DLGAP2: variants seen among roughly 807,000 people sequenced by gnomAD.
DLGAP2 encodes DLG associated protein 2.
DLGAP2 carries 26 observed loss-of-function variants against 100.3 expected under a neutral mutation model. The ratio of observed to expected loss-of-function variants is 0.26; its 90% confidence interval spans 0.19 to 0.36. The LOEUF is 0.36. Among genes scored for constraint, DLGAP2 ranks in the 10% least tolerant of loss-of-function variants. The pLI, the probability that DLGAP2 is intolerant of heterozygous loss-of-function variation, is 1.00. For missense variants in DLGAP2, 1,858 were observed against 1,453.2 expected (o/e 1.28, Z -4.53); for synonymous variants, 886 against 630.1 (o/e 1.41, Z -6.08).
At chr8:1,176,253 A>C (rs943089446) in intron 2 of DLGAP2, among the ~76,000 whole-genome samples, 5 of 152,140 alleles carry the variant, frequency 3.3e-5, no homozygotes, top group African/African-American at 9.7e-5. Flanking sequence ...ACCTCGTGAG[A>C]ATTCCCTCAT....
intron 3 of DLGAP2, among the ~76,000 whole-genome samples, chr8:1,260,236 C>T (rs1480495280): frequency 6.6e-6 from 1 of 152,128 alleles, no homozygotes; most frequent in African/African-American, 2.4e-5. Flanking sequence ...CTTATTATAA[C>T]TTCCATTGCC....
intron 2 of DLGAP2, chr8:1,032,595 G>C (rs1802007230): frequency 6.6e-6 from 1 of 152,156 alleles, no homozygotes; most frequent in African/African-American, 2.4e-5. Context: ...GGTCTGCTGT[G>C]TGCCAAAATA....
chr8:1,568,798 C>A (rs866320332), intron 6 of DLGAP2, among the ~76,000 whole-genome samples: 9 of 144,118 alleles, frequency 6.2e-5, no homozygotes, highest in Admixed American at 2.0e-4. Flanking sequence ...TGCCCGTGGC[C>A]CCCATGCCAC....
intron 2 of DLGAP2, among the ~76,000 whole-genome samples, chr8:949,598 A>T (rs1799424219): frequency 6.6e-6 from 1 of 152,146 alleles, no homozygotes; most frequent in South Asian, 2.1e-4. Flanking sequence ...GCTCCCCAGG[A>T]CGGGCCTCCC....
chr8:1,676,884 G>A (rs765994203), intron 11 of DLGAP2, among the ~76,000 whole-genome samples: 1 of 152,234 alleles, frequency 6.6e-6, no homozygotes, highest in Non-Finnish European at 1.5e-5. Context: ...GAAAGTCAGA[G>A]TCCTTGATCC....
At chr8:956,528 C>A (rs1799601238) in intron 2 of DLGAP2, among the ~76,000 whole-genome samples, 1 of 152,144 alleles carries the variant, frequency 6.6e-6, no homozygotes, top group Non-Finnish European at 1.5e-5. Context: ...AGCCCAGACA[C>A]CACTCAGAGT....
chr8:1,049,895 C>G (rs1292186295), intron 2 of DLGAP2, among the ~76,000 whole-genome samples: 1 of 152,226 alleles, frequency 6.6e-6, no homozygotes, highest in African/African-American at 2.4e-5. Context: ...CATATGTGTA[C>G]ACACATGTGC....
intron 2 of DLGAP2, among the ~76,000 whole-genome samples, chr8:1,037,477 C>G (rs1309198192): frequency 6.6e-6 from 1 of 152,178 alleles, no homozygotes; most frequent in Non-Finnish European, 1.5e-5. Flanking sequence ...CTGCTGTGCA[C>G]TGAAGAGGCA....
chr8:1,419,918 G>C (rs1797042869), intron 3 of DLGAP2, among the ~76,000 whole-genome samples: 1 of 152,234 alleles, frequency 6.6e-6, no homozygotes. Flanking sequence ...GAATCGACCT[G>C]AGTGTCCATC....
chr8:907,459 C>G (rs17740061), intron 1 of DLGAP2, among the ~76,000 whole-genome samples: 2 of 152,110 alleles, frequency 1.3e-5, no homozygotes, highest in Admixed American at 6.5e-5. Flanking sequence ...CTTACTTTCA[C>G]ATTTTTCTTT....
At chr8:1,291,547 G>T (rs563139239) in intron 3 of DLGAP2, among the ~76,000 whole-genome samples, 38 of 152,134 alleles carry the variant, frequency 2.5e-4, no homozygotes, top group Non-Finnish European at 4.7e-4. Context: ...TGGTATATTC[G>T]AAGCCCTGCC....
At chr8:750,558 T>A (rs1275842447) in intron 1 of DLGAP2, among the ~76,000 whole-genome samples, 1 of 152,198 alleles carries the variant, frequency 6.6e-6, no homozygotes, top group Non-Finnish European at 1.5e-5. Flanking sequence ...ATGGTCAAAA[T>A]TGCCAATGAA....
intron 2 of DLGAP2, among the ~76,000 whole-genome samples, chr8:1,207,700 C>A (rs192132559): frequency 2.2e-4 from 34 of 152,268 alleles, no homozygotes; most frequent in Admixed American, 8.5e-4. Flanking sequence ...TAGAAGTGTT[C>A]CCTGTTTACC....
rs542674167 is a variant in DLGAP2, at chr8:1,380,673, A to C, written c.107-120693A>C. Among the ~76,000 whole-genome samples, 10 of 152,276 alleles carry C rather than the reference A, an allele frequency of 6.6e-5. No individual in the cohort carries two copies. The South Asian group carries it at 8.3e-4, about 13-fold the overall frequency. On this transcript the variant is annotated intron_variant, in intron 3 of 14. Transcript: ENST00000637795. ...AAAAGTTCGCCGAGGTGTCATGTTCACTGGGGACTCTCTGTAGCACTGAGC... is the reference window on the plus strand; with the variant it reads ...AAAAGTTCGCCGAGGTGTCATGTTCCCTGGGGACTCTCTGTAGCACTGAGC...
intron 2 of DLGAP2, among the ~76,000 whole-genome samples, chr8:1,257,395 C>T (rs958758171): frequency 6.6e-6 from 1 of 152,182 alleles, no homozygotes; most frequent in Non-Finnish European, 1.5e-5. Flanking sequence ...GTTCCGCTCC[C>T]TCCTGAACGC....
intron 3 of DLGAP2, among the ~76,000 whole-genome samples, chr8:1,415,895 G>A (rs901285772): frequency 6.6e-6 from 1 of 152,132 alleles, no homozygotes; most frequent in Non-Finnish European, 1.5e-5. Flanking sequence ...TTCCATAGTG[G>A]CTGAGCTAAT....
chr8:1,374,859 G>T (rs1209675733), intron 3 of DLGAP2, among the ~76,000 whole-genome samples: 1 of 152,168 alleles, frequency 6.6e-6, no homozygotes, highest in Non-Finnish European at 1.5e-5. Flanking sequence ...CTCCGGTGCC[G>T]CACGGCCTGG....
intron 2 of DLGAP2, among the ~76,000 whole-genome samples, chr8:1,005,662 C>G (rs1432549506): frequency 6.6e-6 from 1 of 150,990 alleles, no homozygotes; most frequent in Non-Finnish European, 1.5e-5. Flanking sequence ...TCAAGTGATT[C>G]TCCTGCCTTG....
chr8:1,555,597 C>T (rs1453524410), intron 5 of DLGAP2, among the ~76,000 whole-genome samples: 2 of 152,184 alleles, frequency 1.3e-5, no homozygotes, highest in African/African-American at 4.8e-5. Context: ...TGCAGGAGTG[C>T]AGGAGCTGGG....
Sources: allele counts gnomAD v4.1 joint callset (sites outside exome capture counted in the v4.1 genomes callset), GRCh38; gene constraint gnomAD v4.1.1; transcripts MANE v1.5; gene names NCBI Gene and HGNC (gene_info 2026-07-23, HGNC 2026-07-21).